Variants in TRAK1 observed in about 807,000 individuals in gnomAD.
TRAK1 encodes the protein trafficking kinesin protein 1, also known as trafficking kinesin-binding protein 1.
In TRAK1, 33 loss-of-function variants were observed where a neutral mutation model predicts 92.1. The ratio of observed to expected loss-of-function variants is 0.36; its 90% CI spans 0.27 to 0.48. The LOEUF is 0.48. TRAK1 is among the 20% of genes least tolerant of loss of function. The pLI is 0.99. For synonymous variants in TRAK1, 521 were observed against 517.3 expected (o/e 1.01, Z -0.10); for missense variants, 1,123 against 1,257.9 (o/e 0.89, Z 1.62).
chr3:42,063,456 C>T (rs1460097756), intron 1 of TRAK1, among the ~76,000 whole-genome samples: 1 of 152,062 alleles, frequency 6.6e-6, no homozygotes. Context: ...GAGGCTGAGG[C>T]GGGCAAATCA....
intron 14 of TRAK1, 31 bp downstream of exon 14, chr3:42,210,016 C>G: frequency 2.5e-6 from 4 of 1,614,126 alleles, no homozygotes; most frequent in Non-Finnish European, 3.4e-6. Context: ...GTGACTGTCT[C>G]AGGCAGCAGA....
rs959581885 is a variant in TRAK1 at position 42,160,564 on chromosome 3, TTTTTG to T, written c.287-16245_287-16241del. 2.8e-4 allele frequency: 323 copies of T among 1,149,810 alleles called. 3 individuals are homozygous for T. The highest frequency in any genetic ancestry group is 9.1e-5 in the Admixed American group (3 of 33,116). 71.2% of individuals were successfully genotyped at this position (1,149,810 alleles called of 1,614,324 possible). A position where few individuals can be genotyped will look rare whatever the true frequency, so the allele number is the denominator to read the frequency against. On this transcript the variant is annotated intron_variant, in intron 2 of 15. Coordinates refer to ENST00000327628, the MANE Select transcript of TRAK1 (RefSeq NM_001042646.3). ...TTGCTGATTTCATAGCACTGTTTTG[TTTTTG>T]TTTTTTTTTAAGTTGAGGTATAAGT...
At chr3:42,041,321 C>A (rs1702532109) in intron 1 of TRAK1, among the ~76,000 whole-genome samples, 1 of 151,926 alleles carries the variant, frequency 6.6e-6, no homozygotes, top group Admixed American at 6.6e-5. Flanking sequence ...GTTTACAAAT[C>A]TTTTACTTCT....
intron 1 of TRAK1, among the ~76,000 whole-genome samples, chr3:42,014,381 C>G (rs2148872058): frequency 6.6e-6 from 1 of 152,270 alleles, no homozygotes; most frequent in Middle Eastern, 3.4e-3. Flanking sequence ...GACAGTGAGG[C>G]GACCTTCAAA....
At chr3:42,013,331 T>C (rs1474462080), upstream of TRAK1, among the ~76,000 whole-genome samples, 1 of 152,092 alleles carries the variant, frequency 6.6e-6, no homozygotes. This position sits in a 1 kb window ranked among gnomAD's most constrained non-coding sequence, Gnocchi z 5.1. Context: ...CATCCTTCTC[T>C]TAGACTGACT....
chr3:42,026,766 C>T (rs1701936771), intron 1 of TRAK1, among the ~76,000 whole-genome samples: 1 of 152,124 alleles, frequency 6.6e-6, no homozygotes, highest in Non-Finnish European at 1.5e-5. Context: ...CTCAGGTGAT[C>T]TGCCTGCCTC....
intron 1 of TRAK1, among the ~76,000 whole-genome samples, chr3:42,122,953 C>T (rs1710085141): frequency 6.6e-6 from 1 of 152,286 alleles, no homozygotes; most frequent in African/African-American, 2.4e-5. Context: ...AGGACTAAAG[C>T]TCCAACTAAA....
upstream of TRAK1, among the ~76,000 whole-genome samples, chr3:42,084,702 G>A (rs981766883): frequency 6.6e-6 from 1 of 152,118 alleles, no homozygotes; most frequent in Non-Finnish European, 1.5e-5. Flanking sequence ...TGTCTAGAAT[G>A]TTCTGGGTTC....
chr3:42,064,663 A>T (rs1385812159), intron 1 of TRAK1, among the ~76,000 whole-genome samples: 1 of 152,202 alleles, frequency 6.6e-6, no homozygotes, highest in Non-Finnish European at 1.5e-5. Flanking sequence ...TTTGTGCTAG[A>T]CTTCCTGATA....
chr3:42,029,591 C>T (rs1211052021), intron 1 of TRAK1, among the ~76,000 whole-genome samples: 2 of 149,538 alleles, frequency 1.3e-5, no homozygotes, highest in African/African-American at 2.5e-5. Context: ...ACTCTGTTGG[C>T]CAGGCTGGAG....
intron 1 of TRAK1, among the ~76,000 whole-genome samples, chr3:42,023,814 C>T (rs1211925527): frequency 7.7e-6 from 1 of 129,392 alleles, no homozygotes; most frequent in Non-Finnish European, 1.5e-5. Flanking sequence ...AGTGCAGTGG[C>T]ACAGTCTTGG....
In TRAK1 at chr3:42,095,714, C is replaced by CATCGTT. The variant is rs555660342; in HGVS notation, c.91+4159_91+4160insTATCGT. On this transcript the variant is annotated intron_variant, in intron 1 of 15. Transcript: ENST00000327628. ...ATGATATCCCATTGTTTGGCTTTATCATCGTCATCATCATCATCATCATCA... is the reference window on the plus strand; with the variant it reads ...ATGATATCCCATTGTTTGGCTTTATCATCGTTATCGTCATCATCATCATCATCATCA... Among the ~76,000 whole-genome samples, 638 of 151,844 alleles carry CATCGTT rather than the reference C, an allele frequency of 4.2e-3. 4 individuals carry two copies. The highest frequency in any genetic ancestry group is 0.014 in the African/African-American group (597 of 41,368).
intron 2 of TRAK1, among the ~76,000 whole-genome samples, chr3:42,171,046 A>G (rs1189762107): frequency 6.6e-6 from 1 of 151,424 alleles, no homozygotes; most frequent in Non-Finnish European, 1.5e-5. Flanking sequence ...TGATCTCCTG[A>G]CCTCATGATC....
At position 42,111,916 on chromosome 3, in the gene TRAK1, C is replaced by CTT. The variant is rs200985476; in HGVS notation, c.92-13491_92-13490dup. Among the ~76,000 whole-genome samples the CTT allele has an allele frequency of 5.7e-3, 779 of 136,194 alleles. 6 individuals are homozygous for CTT. Among genetic ancestry groups the CTT allele is most frequent in the African/African-American group, 0.019 (726 of 37,596 alleles). The allele number at this position is 136,194 out of a possible 152,430, so 89.3% of individuals were successfully genotyped here. On this transcript the variant is annotated intron_variant, in intron 1 of 15. Transcript: ENST00000327628. The stretch of plus-strand genomic sequence containing the variant: ...GAAAGATGCTGTGGGCTGACATCTT[C>CTT]TTTTTTTTTTTTTTCAAATCTAGAA...
chr3:42,151,256 C>T (rs1412929936), intron 2 of TRAK1: 1 of 436,538 alleles, frequency 2.3e-6, no homozygotes, highest in African/African-American at 2.0e-5. Context: ...TAAAGCCAGT[C>T]GCTTGCCATG....
chr3:42,200,963 C>T lies in TRAK1; in HGVS notation c.1336C>T (p.Arg446Trp), dbSNP rs761022817. The T allele has an allele frequency of 3.1e-5, 50 of 1,614,200 alleles. No individual in the cohort carries two copies. The highest frequency in any genetic ancestry group is 8.8e-5 in the South Asian group (8 of 91,076). ...CCTGTCCAGCTGCGTCAGCACCCCC[C>T]GGTCCAGCTTCTACGGCAGCGACAT... is the stretch of plus-strand genomic sequence containing the variant. ...SLLSSCVSTP[R>W]SSFYGSDIGN... The change falls in exon 12 of 16, where the codon CGG (arginine) becomes TGG (tryptophan). Residue 446 changes from arginine to tryptophan, a missense_variant. Arg to Trp is a moderately radical substitution (Grantham distance 101). Transcript: ENST00000327628.
At chr3:42,027,471 C>T (rs1701963843) in intron 1 of TRAK1, among the ~76,000 whole-genome samples, 1 of 151,656 alleles carries the variant, frequency 6.6e-6, no homozygotes, top group Non-Finnish European at 1.5e-5. Context: ...TGCAGTGAGC[C>T]CAGATCACGC....
rs1256398783 is a variant in TRAK1, at chr3:42,013,886, G to A, written c.-750G>A. Reference sequence around the variant, plus strand: ...ACGCCCCGACGACCCCCGCGTCTCGGAACCCCGGACTCCGAGCCCAGGAGC... The same window carrying A: ...ACGCCCCGACGACCCCCGCGTCTCGAAACCCCGGACTCCGAGCCCAGGAGC... On this transcript the variant is annotated 5_prime_UTR_variant, in exon 1 of 17. Transcript: ENST00000487159. This position sits in a 1 kb window ranked among gnomAD's most constrained non-coding sequence, Gnocchi z 5.1. 6.6e-6 allele frequency: 1 copy of A among 150,530 alleles called. No individual in the cohort carries two copies. The highest frequency in any genetic ancestry group is 1.5e-5 in the Non-Finnish European group (1 of 67,430). The allele number at this position is 150,530 out of a possible 1,614,324, so 9.3% of individuals were successfully genotyped here.
At chr3:42,096,440 G>A (rs1392103611) in intron 1 of TRAK1, among the ~76,000 whole-genome samples, 1 of 152,126 alleles carries the variant, frequency 6.6e-6, no homozygotes, top group African/African-American at 2.4e-5. Flanking sequence ...TTTTAGTAGA[G>A]ATGGGGATTC....
Sources: gnomAD v4.1 joint callset for allele counts (sites outside exome capture counted in the v4.1 genomes callset) on GRCh38, gnomAD v4.1.1 for gene constraint, Gnocchi (gnomAD v3.1) non-coding constraint, MANE v1.5 for transcripts, NCBI Gene and HGNC (gene_info 2026-07-23, HGNC 2026-07-21) for gene names.